DCUN1D1: variants seen among roughly 807,000 people sequenced by gnomAD.
The protein encoded by DCUN1D1 is defective in cullin neddylation 1 domain containing 1, also known as DCN1-like protein 1.
Under a neutral mutation model 39.0 loss-of-function variants are expected in DCUN1D1, and 3 were observed. The ratio of observed to expected loss-of-function variants is 0.08; its 90% confidence interval spans 0.04 to 0.20. The LOEUF is 0.20. DCUN1D1 is among the 10% of genes least tolerant of loss of function. The probability of loss-of-function intolerance (pLI) is 1.00; values close to 1 mark genes in which losing one functional copy is unlikely to be tolerated. For synonymous variants in DCUN1D1, 82 were observed against 96.3 expected, an observed-to-expected ratio of 0.85 and a Z score of 0.87; for missense variants, 158 against 302.4, an observed-to-expected ratio of 0.52 and a Z score of 3.54.
chr3:182,965,905 T>G (rs1727643647), intron 1 of DCUN1D1, 152 bp from the exon 2 acceptor site: 1 of 618,984 alleles, frequency 1.6e-6, no homozygotes, highest in East Asian at 2.8e-5. Flanking sequence ...CTATTATTCA[T>G]CAGAAAGGCT....
rs1726028035 is a variant in DCUN1D1, at chr3:182,939,217, G to A, written c.*5877C>T. On this transcript the variant is annotated 3_prime_UTR_variant, in exon 7 of 7. Transcript: ENST00000292782. ...GGCTGCAATAAAAAAGACAAGTATT[G>A]GCAAGGATGTGCAGACACGGCAGTC... 6.6e-6 allele frequency: 1 copy of A among 152,194 alleles called. No individual in the cohort carries two copies. Among genetic ancestry groups the A allele is most frequent in the South Asian group, 2.1e-4 (1 of 4,832 alleles). The allele number at this position is 152,194 out of a possible 1,614,324, so 9.4% of individuals were successfully genotyped here. A position where few individuals can be genotyped will look rare whatever the true frequency, so the allele number is the denominator to read the frequency against.
At chr3:182,974,749 A>G (rs984471126) in intron 1 of DCUN1D1, among the ~76,000 whole-genome samples, 1 of 138,284 alleles carries the variant, frequency 7.2e-6, no homozygotes, top group African/African-American at 2.5e-5. Context: ...GTGATTCAAA[A>G]GTATAATAGA....
rs968301128 is a variant in DCUN1D1, at chr3:182,961,493, A to G, written c.390-137T>C. 6.1e-6 allele frequency: 5 copies of G among 818,676 alleles called. No homozygotes were observed. The African/African-American group carries it at 8.9e-5, about 14-fold the overall frequency. The allele number at this position is 818,676 out of a possible 1,614,324, so 50.7% of individuals were successfully genotyped here. A position where few individuals can be genotyped will look rare whatever the true frequency, so the allele number is the denominator to read the frequency against. On this transcript the variant is annotated intron_variant, in intron 3 of 6. Transcript: ENST00000292782. Reference sequence around the variant, plus strand: ...CAAATAGTTCGAATTCAGTCTTTTTATATTACATAAATATAAACACGCATG... The same window carrying G: ...CAAATAGTTCGAATTCAGTCTTTTTGTATTACATAAATATAAACACGCATG...
At chr3:182,983,721 AAG>A (rs1728637689), upstream of DCUN1D1, among the ~76,000 whole-genome samples, 1 of 152,100 alleles carries the variant, frequency 6.6e-6, no homozygotes, top group Admixed American at 6.6e-5. Flanking sequence ...GAAAAAAAAA[AAG>A]AGATTCCCTA....
At chr3:182,983,251 C>G (rs976456975), upstream of DCUN1D1, among the ~76,000 whole-genome samples, 1 of 152,164 alleles carries the variant, frequency 6.6e-6, no homozygotes, top group Non-Finnish European at 1.5e-5. Flanking sequence ...TATCCCTGGC[C>G]TCCTAGCTAA....
At chr3:182,952,716 A>G (rs1164319117) in intron 4 of DCUN1D1, among the ~76,000 whole-genome samples, 4 of 152,144 alleles carry the variant, frequency 2.6e-5, no homozygotes, top group African/African-American at 9.7e-5. Context: ...ATGTCTCCTG[A>G]AAGTGTTGAT....
In DCUN1D1 at chr3:182,939,887, AT is replaced by A. The variant is rs1726062077; in HGVS notation, c.*5206del. On this transcript the variant is annotated 3_prime_UTR_variant, in exon 7 of 7. Coordinates refer to ENST00000292782, the MANE Select transcript of DCUN1D1 (RefSeq NM_020640.4). Reference sequence around the variant, plus strand: ...TTGTAACAAAGTCTTACAAATCACTATTTTAAAGCTCTGGTTCATAGTTCGT... The same window carrying A: ...TTGTAACAAAGTCTTACAAATCACTATTTAAAGCTCTGGTTCATAGTTCGT... The A allele has an allele frequency of 2.0e-5, 3 of 152,220 alleles. No individual in the cohort carries two copies. The highest frequency in any genetic ancestry group is 4.4e-5 in the Non-Finnish European group (3 of 68,026). The allele number at this position is 152,220 out of a possible 1,614,324, so 9.4% of individuals were successfully genotyped here. A position where few individuals can be genotyped will look rare whatever the true frequency, so the allele number is the denominator to read the frequency against.
chr3:182,948,464 A>C (rs1726530331), intron 4 of DCUN1D1, among the ~76,000 whole-genome samples: 1 of 152,170 alleles, frequency 6.6e-6, no homozygotes, highest in African/African-American at 2.4e-5. Context: ...CACTTATCAC[A>C]CAACAGAGAA....
chr3:182,968,217 AC>A (rs1366992185), intron 1 of DCUN1D1, among the ~76,000 whole-genome samples: 8 of 152,036 alleles, frequency 5.3e-5, no homozygotes, highest in Non-Finnish European at 1.2e-4. Flanking sequence ...CCTGGAAATT[AC>A]TTTTTAATTA....
At chr3:182,967,128 C>CTATATATATATATATATATATATATATA (rs60339329) in intron 1 of DCUN1D1, among the ~76,000 whole-genome samples, 4 of 143,564 alleles carry the variant, frequency 2.8e-5, no homozygotes, top group African/African-American at 1.1e-4. Flanking sequence ...AACAAAAAAA[C>CTATATATATATATATATATATATATATA]TATATATATA....
At chr3:182,984,670 G>A (rs999584101), upstream of DCUN1D1, among the ~76,000 whole-genome samples, 1 of 151,894 alleles carries the variant, frequency 6.6e-6, no homozygotes, top group Non-Finnish European at 1.5e-5. Flanking sequence ...TTAATATAGT[G>A]CTCATAAATA....
Position 182,949,890 on chromosome 3 carries a change from C to T in DCUN1D1, c.521-2258G>A, listed in dbSNP as rs369750082. Among the ~76,000 whole-genome samples the T allele has an allele frequency of 1.5e-3, 223 of 152,280 alleles. 1 individual carries two copies. Among genetic ancestry groups the T allele is most frequent in the African/African-American group, 5.3e-3 (220 of 41,560 alleles). On this transcript the variant is annotated intron_variant, in intron 4 of 6. Coordinates refer to ENST00000292782, the MANE Select transcript of DCUN1D1 (RefSeq NM_020640.4). The stretch of plus-strand genomic sequence containing the variant: ...AGTAGGCATTCAGAAACTGCTAAGT[C>T]GACAAACTTCCTATGGTTTCACATA...
chr3:182,970,673 A>C (rs1727890127), intron 1 of DCUN1D1, among the ~76,000 whole-genome samples: 1 of 152,228 alleles, frequency 6.6e-6, no homozygotes, highest in South Asian at 2.1e-4. Context: ...AAACACTTTT[A>C]CGATCACCTA....
Position 182,965,521 on chromosome 3 carries a change from A to ACAAG in DCUN1D1, c.220+12_220+15dup. The stretch of plus-strand genomic sequence containing the variant: ...TCTGGTCCAAAATTTACTTAAAGTC[A>ACAAG]CAAGCAAGCACTCACCTTTGTATCT... On this transcript the variant is annotated intron_variant, in intron 2 of 6. Transcript: ENST00000292782. 1.3e-6 allele frequency: 2 copies of ACAAG among 1,564,248 alleles called. No homozygotes were observed. Among genetic ancestry groups the ACAAG allele is most frequent in the Non-Finnish European group, 1.7e-6 (2 of 1,145,626 alleles).
rs1469239545 is a variant in DCUN1D1, at chr3:182,939,170, T to A, written c.*5924A>T. 2 of 152,004 alleles carry A rather than the reference T, an allele frequency of 1.3e-5. No homozygotes were observed. The highest frequency in any genetic ancestry group is 1.5e-5 in the Non-Finnish European group (1 of 67,988). The allele number at this position is 152,004 out of a possible 1,614,324, so 9.4% of individuals were successfully genotyped here. A position where few individuals can be genotyped will look rare whatever the true frequency, so the allele number is the denominator to read the frequency against. ...GATGCCTAGGTATAACTCACACACA[T>A]AAAGTAAATACCCGCCAGGATGGCT... is the stretch of plus-strand genomic sequence containing the variant. On this transcript the variant is annotated 3_prime_UTR_variant, in exon 7 of 7. Coordinates refer to ENST00000292782, the MANE Select transcript of DCUN1D1 (RefSeq NM_020640.4).
At chr3:182,946,553 T>A (rs1413816193) in intron 6 of DCUN1D1, among the ~76,000 whole-genome samples, 12 of 62,800 alleles carry the variant, frequency 1.9e-4, no homozygotes, top group African/African-American at 5.2e-4. Context: ...CAAGACTCCA[T>A]CTCAAAAAAA....
intron 4 of DCUN1D1, among the ~76,000 whole-genome samples, chr3:182,955,034 T>G (rs1411444857): frequency 6.6e-6 from 1 of 152,132 alleles, no homozygotes; most frequent in Non-Finnish European, 1.5e-5. Context: ...TTTCACATTC[T>G]TAAATTGACT....
intron 1 of DCUN1D1, among the ~76,000 whole-genome samples, chr3:182,977,944 G>A (rs1728324535): frequency 2.6e-5 from 4 of 151,430 alleles, no homozygotes; most frequent in Admixed American, 2.6e-4. Context: ...GGAGGCTTAG[G>A]CTGGAGAATC....
chr3:182,973,053 G>T (rs546412080), intron 1 of DCUN1D1, among the ~76,000 whole-genome samples: 1 of 152,016 alleles, frequency 6.6e-6, no homozygotes, highest in Non-Finnish European at 1.5e-5. Flanking sequence ...AAAAAAAAAG[G>T]GGGGGGCTCT....
Sources: gnomAD v4.1 joint callset for allele counts (sites outside exome capture counted in the v4.1 genomes callset) on GRCh38, gnomAD v4.1.1 for gene constraint, MANE v1.5 for transcripts, NCBI Gene and HGNC (gene_info 2026-07-23, HGNC 2026-07-21) for gene names.